BCL11B: variants seen among roughly 807,000 people sequenced by gnomAD.
The protein encoded by BCL11B is B-cell lymphoma/leukemia 11B.
BCL11B carries 8 observed loss-of-function variants against 49.9 expected under a neutral mutation model. The observed-to-expected ratio is 0.16, with a 90% CI of 0.09 to 0.29. The LOEUF (loss-of-function observed/expected upper bound fraction) is 0.29. BCL11B is among the 10% of genes least tolerant of loss of function. The pLI is 1.00. For missense variants in BCL11B, 1,006 were observed against 1,351.0 expected, an observed-to-expected ratio of 0.74 and a Z score of 4.00; for synonymous variants, 739 against 637.4, an observed-to-expected ratio of 1.16 and a Z score of -2.40.
intron 3 of BCL11B, among the ~76,000 whole-genome samples, chr14:99,176,500 G>A (rs774937109): frequency 1.8e-4 from 28 of 152,220 alleles, no homozygotes; most frequent in Non-Finnish European, 3.4e-4. Context: ...CATTACCTCC[G>A]AGGCCACGGG....
At position 99,257,479 on chromosome 14, in the gene BCL11B, T is replaced by G. The variant is rs368883479; in HGVS notation, c.419A>C (p.Asn140Thr). 4.4e-6 allele frequency: 7 copies of G among 1,595,892 alleles called. No individual in the cohort carries two copies. The highest frequency in any genetic ancestry group is 2.7e-5 in the African/African-American group (2 of 74,704). Reference sequence around the variant, plus strand: ...AGCGCAGCATCCCATACCTGCAATGTTCTCCTGCTTGGGACAGATGCCTTT... The same window carrying G: ...AGCGCAGCATCCCATACCTGCAATGGTCTCCTGCTTGGGACAGATGCCTTT... ...PTKGICPKQE[N>T]IAGPCRPAQL... Residue 140 changes from asparagine to threonine, a missense_variant, in exon 2 of 4, where the codon AAC (asparagine) becomes ACC (threonine). Around this residue, in one of 6 missense-constraint regions of BCL11B, gnomAD observed 411 missense variants for 542.2 expected, o/e 0.76. Coordinates refer to ENST00000357195, the MANE Select transcript of BCL11B (RefSeq NM_138576.4). The surrounding 1 kb of genome is among the most constrained non-coding windows in gnomAD (Gnocchi z 6.2).
rs1312957603 is a variant in BCL11B, at chr14:99,213,445, T to C, written c.640+17900A>G. Among the ~76,000 whole-genome samples, 1 of 152,202 alleles carries C rather than the reference T, an allele frequency of 6.6e-6. No homozygotes were observed. The highest frequency in any genetic ancestry group is 2.4e-5 in the African/African-American group (1 of 41,456). On this transcript the variant is annotated intron_variant, in intron 3 of 3. Coordinates refer to ENST00000357195, the MANE Select transcript of BCL11B (RefSeq NM_138576.4). This position sits in a 1 kb window ranked among gnomAD's most constrained non-coding sequence, Gnocchi z 5.1. ...TCCAAAAATTCGAGGAACACCAAAA[T>C]GACTCTCATCTGGACTGGTATGACT...
intron 3 of BCL11B, among the ~76,000 whole-genome samples, chr14:99,212,881 G>A (rs1283216936): frequency 1.3e-5 from 2 of 152,240 alleles, no homozygotes; most frequent in Non-Finnish European, 2.9e-5. Context: ...AGGATGTGCT[G>A]TCTTTAGACA....
chr14:99,270,498 G>A (rs890419455), intron 1 of BCL11B, among the ~76,000 whole-genome samples: 3 of 150,518 alleles, frequency 2.0e-5, no homozygotes, highest in Non-Finnish European at 3.0e-5. Context: ...GGGGAGGGGG[G>A]CTTGAGCCCG....
rs1014772951 is a variant in BCL11B at position 99,242,096 on chromosome 14, G to A, written c.428-10539C>T. 2.6e-5 allele frequency among the ~76,000 whole-genome samples: 4 copies of A among 152,258 alleles called. No homozygotes were observed. The highest frequency in any genetic ancestry group is 2.9e-5 in the Non-Finnish European group (2 of 68,010). ...GGGAGAGGGAGCAGGGGCAGGCGGCGCTGAAGGAAGACTTTCTGAGCGGTT... is the reference window on the plus strand; with the variant it reads ...GGGAGAGGGAGCAGGGGCAGGCGGCACTGAAGGAAGACTTTCTGAGCGGTT... On this transcript the variant is annotated intron_variant, in intron 2 of 3. Transcript: ENST00000357195. This position sits in a 1 kb window ranked among gnomAD's most constrained non-coding sequence, Gnocchi z 4.4.
intron 3 of BCL11B, among the ~76,000 whole-genome samples, chr14:99,197,672 C>A (rs1389994890): frequency 2.0e-5 from 3 of 152,054 alleles, no homozygotes; most frequent in African/African-American, 7.3e-5. Context: ...TTCCTCGCTG[C>A]GTGAATAGAA....
intron 1 of BCL11B, 107 bp downstream of exon 1, chr14:99,271,054 C>A: frequency 8.5e-7 from 1 of 1,177,184 alleles, no homozygotes; most frequent in Non-Finnish European, 1.1e-6. Context: ...AGCCAGCGGG[C>A]GGCCCCGGCG....
intron 3 of BCL11B, among the ~76,000 whole-genome samples, chr14:99,189,214 C>T (rs566098132): frequency 6.6e-6 from 1 of 152,366 alleles, no homozygotes; most frequent in South Asian, 2.1e-4. Flanking sequence ...GGCGCTTTGC[C>T]TCTGCCACCG....
At chr14:99,229,250 G>A (rs981168906) in intron 3 of BCL11B, among the ~76,000 whole-genome samples, 1 of 152,184 alleles carries the variant, frequency 6.6e-6, no homozygotes, top group Non-Finnish European at 1.5e-5. Flanking sequence ...GGGTTGCTGT[G>A]AGGGTTAAAT....
At position 99,192,655 on chromosome 14, in the gene BCL11B, G is replaced by A. The variant is rs544584123; in HGVS notation, c.641-16460C>T. 3.3e-5 allele frequency among the ~76,000 whole-genome samples: 5 copies of A among 152,280 alleles called. No individual in the cohort carries two copies. The highest frequency in any genetic ancestry group is 4.1e-4 in the South Asian group (2 of 4,822). ...GCAACTTGGGAACCACACTGGGGCT[G>A]GGGCTGTGGGCCAGAAAGATCTGAT... On this transcript the variant is annotated intron_variant, in intron 3 of 3. Coordinates refer to ENST00000357195, the MANE Select transcript of BCL11B (RefSeq NM_138576.4). The surrounding 1 kb of genome is among the most constrained non-coding windows in gnomAD (Gnocchi z 4.0).
intron 3 of BCL11B, among the ~76,000 whole-genome samples, chr14:99,214,555 C>G (rs892282649): frequency 3.3e-5 from 5 of 149,852 alleles, no homozygotes; most frequent in African/African-American, 1.2e-4. Flanking sequence ...AAGACCCTAT[C>G]TCAAAGAAAA....
chr14:99,171,792 G>A lies in BCL11B; in HGVS notation c.*2359C>T, dbSNP rs774539769. On this transcript the variant is annotated 3_prime_UTR_variant, in exon 4 of 4. Transcript: ENST00000357195. ...CTAAAACTCCGACTTTACAGTTACT[G>A]TAACAAGAACAAATTTATAGACCCA... The A allele has an allele frequency of 5.7e-5, 12 of 210,112 alleles. No individual in the cohort carries two copies. The highest frequency in any genetic ancestry group is 1.2e-4 in the Non-Finnish European group (12 of 103,460). 13.0% of individuals were successfully genotyped at this position (210,112 alleles called of 1,614,324 possible).
intron 3 of BCL11B, among the ~76,000 whole-genome samples, chr14:99,229,416 C>T (rs1183608749): frequency 5.3e-5 from 8 of 152,112 alleles, no homozygotes; most frequent in East Asian, 1.9e-4. Context: ...CCGTGGATGT[C>T]GGCAGAGGCA....
chr14:99,189,984 T>G (rs1459665229), intron 3 of BCL11B, among the ~76,000 whole-genome samples: 2 of 152,042 alleles, frequency 1.3e-5, no homozygotes, highest in African/African-American at 4.8e-5. Context: ...AGCAGGGGTG[T>G]GGGCCGAGCC....
At chr14:99,265,112 C>T (rs546920761) in intron 1 of BCL11B, among the ~76,000 whole-genome samples, 1 of 152,066 alleles carries the variant, frequency 6.6e-6, no homozygotes. Context: ...AAAAGAGTGC[C>T]GCAAAGTGAC....
At chr14:99,238,762 C>A (rs765938290) in intron 2 of BCL11B, among the ~76,000 whole-genome samples, 2 of 152,174 alleles carry the variant, frequency 1.3e-5, no homozygotes, top group African/African-American at 4.8e-5. Flanking sequence ...CCAGCCGGGA[C>A]GCTGATCATT....
intron 1 of BCL11B, among the ~76,000 whole-genome samples, chr14:99,267,207 A>G (rs937696124): frequency 6.6e-6 from 1 of 152,102 alleles, no homozygotes; most frequent in Non-Finnish European, 1.5e-5. Context: ...CTGTTATGAA[A>G]TATTTCAAAG....
At chr14:99,207,794 G>A (rs1212918422) in intron 3 of BCL11B, among the ~76,000 whole-genome samples, 2 of 152,128 alleles carry the variant, frequency 1.3e-5, no homozygotes, top group Non-Finnish European at 2.9e-5. Flanking sequence ...GCACCCAGGA[G>A]CCCAGTGGAG....
At position 99,247,985 on chromosome 14, in the gene BCL11B, G is replaced by A. The variant is rs1259935607; in HGVS notation, c.427+9486C>T. On this transcript the variant is annotated intron_variant, in intron 2 of 3. Coordinates refer to ENST00000357195, the MANE Select transcript of BCL11B (RefSeq NM_138576.4). The surrounding 1 kb of genome is among the most constrained non-coding windows in gnomAD (Gnocchi z 4.5). The stretch of plus-strand genomic sequence containing the variant: ...TGGGGGGCTCACCCTGCCCTTGGCT[G>A]CTGCCTTTTCTCCACACCAGGAGTG... Among the ~76,000 whole-genome samples the A allele has an allele frequency of 6.6e-6, 1 of 152,236 alleles. No homozygotes were observed. The highest frequency in any genetic ancestry group is 2.4e-5 in the African/African-American group (1 of 41,452).
Sources: allele counts gnomAD v4.1 joint callset (sites outside exome capture counted in the v4.1 genomes callset), GRCh38; gene constraint gnomAD v4.1.1; regional missense constraint gnomAD v4.1.1; non-coding constraint Gnocchi (gnomAD v3.1); transcripts MANE v1.5; gene names NCBI Gene and HGNC (gene_info 2026-07-23, HGNC 2026-07-21).